Variants in RBM33 observed in about 807,000 individuals in gnomAD.
The protein encoded by RBM33 is RNA-binding protein 33.
Under a neutral mutation model 132.6 loss-of-function variants are expected in RBM33, and 28 were observed. The ratio of observed to expected loss-of-function variants is 0.21; its 90% CI spans 0.16 to 0.29. RBM33 has a LOEUF of 0.29. RBM33 is among the 10% of genes least tolerant of loss of function. The pLI, the probability that RBM33 is intolerant of heterozygous loss-of-function variation, is 1.00. For synonymous variants in RBM33, 634 were observed against 593.0 expected (o/e 1.07, Z -1.01); for missense variants, 1,291 against 1,518.5 (o/e 0.85, Z 2.49).
chr7:155,663,220 T>C (rs1407700481), intron 1 of RBM33, among the ~76,000 whole-genome samples: 1 of 151,682 alleles, frequency 6.6e-6, no homozygotes, highest in Non-Finnish European at 1.5e-5. Context: ...TTTTTTTTTT[T>C]TAAAGCACTT....
At position 155,724,522 on chromosome 7, in the gene RBM33, C is replaced by T. The variant is rs546728385; in HGVS notation, c.1260+6079C>T. Among the ~76,000 whole-genome samples the T allele has an allele frequency of 2.6e-5, 4 of 152,142 alleles. No individual in the cohort carries two copies. The East Asian group carries it at 7.7e-4, about 29-fold the overall frequency. The stretch of plus-strand genomic sequence containing the variant: ...CAGCCTGGGCGATGGAGCGAGACTC[C>T]GTGTCAAGTAAGAACGAAACAAAAC... On this transcript the variant is annotated intron_variant, in intron 9 of 17. Coordinates refer to ENST00000401878, the MANE Select transcript of RBM33 (RefSeq NM_053043.3).
At position 155,768,536 on chromosome 7, in the gene RBM33, A is replaced by C. The variant is rs559128416; in HGVS notation, c.3375+1881A>C. Among the ~76,000 whole-genome samples the C allele has an allele frequency of 2.0e-5, 3 of 152,314 alleles. No individual in the cohort carries two copies. The East Asian group carries it at 5.8e-4, about 29-fold the overall frequency. ...ACCTAGTGTTCACTGGTGTAATGCC[A>C]GGTGGTGTCTACACCAGGAGGACCT... is the stretch of plus-strand genomic sequence containing the variant. On this transcript the variant is annotated intron_variant, in intron 16 of 17. Coordinates refer to ENST00000401878, the MANE Select transcript of RBM33 (RefSeq NM_053043.3).
intron 14 of RBM33, among the ~76,000 whole-genome samples, chr7:155,755,193 T>C (rs754361784): frequency 1.6e-4 from 24 of 152,216 alleles, no homozygotes; most frequent in South Asian, 2.1e-4. Context: ...CAGTGAGGTC[T>C]CTGGACTGTA....
At chr7:155,707,846 G>T (rs896287653) in intron 7 of RBM33, among the ~76,000 whole-genome samples, 10 of 152,144 alleles carry the variant, frequency 6.6e-5, no homozygotes, top group African/African-American at 2.4e-4. Flanking sequence ...TTTTAGTAGA[G>T]ACTGGGTTTC....
rs114590054 is a variant in RBM33, at chr7:155,735,567, A to G, written c.1261-1963A>G. Among the ~76,000 whole-genome samples, 1,069 of 152,196 alleles carry G rather than the reference A, an allele frequency of 7.0e-3. 17 individuals are homozygous for G. Among genetic ancestry groups the G allele is most frequent in the African/African-American group, 0.024 (1,006 of 41,518 alleles). ...AAAAAAACTAGCTGGATGTGGTGTC[A>G]TGCTCTGTAAGTCCTAGCTACTCAG... On this transcript the variant is annotated intron_variant, in intron 9 of 17. Transcript: ENST00000401878.
chr7:155,758,863 G>C (rs1801937122), intron 14 of RBM33, among the ~76,000 whole-genome samples: 1 of 152,028 alleles, frequency 6.6e-6, no homozygotes, highest in African/African-American at 2.4e-5. Flanking sequence ...AGACCCACTG[G>C]GAAGAAAAAC....
chr7:155,716,316 GT>G lies in RBM33; in HGVS notation c.1202-2053del, dbSNP rs59289310. Among the ~76,000 whole-genome samples the G allele has an allele frequency of 1.0e-3, 102 of 102,340 alleles. 1 individual carries two copies. Among genetic ancestry groups the G allele is most frequent in the East Asian group, 1.4e-3 (4 of 2,902 alleles). 67.1% of individuals were successfully genotyped at this position (102,340 alleles called of 152,430 possible). The stretch of plus-strand genomic sequence containing the variant: ...TGTCAGCTGTTTTTCCTTTTCTGCT[GT>G]TTTTTTTTTTTTTTTAAATAGGGAA... On this transcript the variant is annotated intron_variant, in intron 8 of 17. Transcript: ENST00000401878.
chr7:155,732,322 T>C (rs1238233962), intron 9 of RBM33, among the ~76,000 whole-genome samples: 1 of 152,222 alleles, frequency 6.6e-6, no homozygotes, highest in African/African-American at 2.4e-5. Context: ...GTTAATACAA[T>C]AAAAAAGTTT....
In RBM33 at chr7:155,745,483, G is replaced by C. The variant is rs775147362; in HGVS notation, c.2860G>C (p.Gly954Arg). ...GACTCCTCGAGTGGCGTCCATCCAGGGCCGGCCCCAGGACACAAAGCCTGG... is the reference window on the plus strand; with the variant it reads ...GACTCCTCGAGTGGCGTCCATCCAGCGCCGGCCCCAGGACACAAAGCCTGG... ...PQTPRVASIQGRPQDTKPGVK... is the reference protein window; with the variant it reads ...PQTPRVASIQRRPQDTKPGVK... The change falls in exon 14 of 18, where the codon GGC becomes CGC. Residue 954 changes from glycine to arginine, a missense_variant. Gly to Arg is a moderately radical substitution (Grantham distance 125). Coordinates refer to ENST00000401878, the MANE Select transcript of RBM33 (RefSeq NM_053043.3). This position sits in a 1 kb window ranked among gnomAD's most constrained non-coding sequence, Gnocchi z 4.1. 2 of 1,613,670 alleles carry C rather than the reference G, an allele frequency of 1.2e-6. No individual in the cohort carries two copies. The highest frequency in any genetic ancestry group is 2.2e-5 in the South Asian group (2 of 90,974).
At chr7:155,658,550 G>A (rs1439856078) in intron 1 of RBM33, among the ~76,000 whole-genome samples, 2 of 152,008 alleles carry the variant, frequency 1.3e-5, no homozygotes, top group African/African-American at 4.8e-5. Context: ...ACAGGCGCTC[G>A]CCACCAAGCC....
intron 8 of RBM33, among the ~76,000 whole-genome samples, chr7:155,717,084 T>C (rs1800483701): frequency 6.6e-6 from 1 of 152,202 alleles, no homozygotes; most frequent in African/African-American, 2.4e-5. Flanking sequence ...TGATGGACTT[T>C]TAAGAGGTAT....
intron 5 of RBM33, 78 bp downstream of exon 5, chr7:155,680,986 T>C (rs1444847929): frequency 2.5e-6 from 3 of 1,189,668 alleles, no homozygotes; most frequent in Non-Finnish European, 3.5e-6. Flanking sequence ...TTGAAATCTA[T>C]TTACCTCCCC....
At chr7:155,673,855 G>A (rs1463762237) in intron 3 of RBM33, among the ~76,000 whole-genome samples, 4 of 148,114 alleles carry the variant, frequency 2.7e-5, no homozygotes, top group East Asian at 2.0e-4. Context: ...AATGTATAGC[G>A]AGAAAGTGAA....
At chr7:155,726,915 CTT>C (rs1167879153) in intron 9 of RBM33, among the ~76,000 whole-genome samples, 3 of 152,192 alleles carry the variant, frequency 2.0e-5, no homozygotes, top group African/African-American at 7.2e-5. Flanking sequence ...AGTTAATTCA[CTT>C]TTAACTCTGT....
chr7:155,779,570 A>G lies in RBM33; in HGVS notation c.*4529A>G, dbSNP rs987777250. 7 of 152,196 alleles carry G rather than the reference A, an allele frequency of 4.6e-5. No individual in the cohort carries two copies. Among genetic ancestry groups the G allele is most frequent in the African/African-American group, 1.4e-4 (6 of 41,458 alleles). The allele number at this position is 152,196 out of a possible 1,614,324, so 9.4% of individuals were successfully genotyped here. On this transcript the variant is annotated 3_prime_UTR_variant, in exon 18 of 18. Transcript: ENST00000401878. ...GGATTTTATGTAAGGTTTTTTTGCAACCTATTTAATTTTTTTTAAATGCCT... is the reference window on the plus strand; with the variant it reads ...GGATTTTATGTAAGGTTTTTTTGCAGCCTATTTAATTTTTTTTAAATGCCT...
intron 9 of RBM33, among the ~76,000 whole-genome samples, chr7:155,734,975 G>A (rs1182992713): frequency 6.6e-6 from 1 of 152,102 alleles, no homozygotes; most frequent in Admixed American, 6.5e-5. Context: ...ATTTTAAAAC[G>A]TTTTGAAATG....
chr7:155,649,603 A>C (rs1036846337), intron 1 of RBM33, among the ~76,000 whole-genome samples: 1 of 152,124 alleles, frequency 6.6e-6, no homozygotes, highest in Non-Finnish European at 1.5e-5. Context: ...GGAAGTCAGA[A>C]TGTCCCCCCC....
chr7:155,715,487 C>T (rs1192572043), intron 8 of RBM33, among the ~76,000 whole-genome samples: 1 of 152,190 alleles, frequency 6.6e-6, no homozygotes, highest in Admixed American at 6.5e-5. Flanking sequence ...CAAAAGTCAA[C>T]AGCCTGGCAA....
chr7:155,752,382 T>C (rs1057255323), intron 14 of RBM33, among the ~76,000 whole-genome samples: 3 of 152,212 alleles, frequency 2.0e-5, no homozygotes, highest in African/African-American at 7.2e-5. Flanking sequence ...TTTTTTGAAA[T>C]AGGTCATTGG....
Sources: allele counts gnomAD v4.1 joint callset (sites outside exome capture counted in the v4.1 genomes callset), GRCh38; gene constraint gnomAD v4.1.1; non-coding constraint Gnocchi (gnomAD v3.1); transcripts MANE v1.5; gene names NCBI Gene and HGNC (gene_info 2026-07-23, HGNC 2026-07-21).